The following IMMP2L variants were observed in gnomAD, a reference collection of about 807,000 sequenced individuals.
IMMP2L encodes mitochondrial inner membrane protease subunit 2.
In IMMP2L, 18 loss-of-function variants were observed where a neutral mutation model predicts 19.3. The observed-to-expected ratio is 0.93, with a 90% CI of 0.64 to 1.38. The LOEUF is 1.38. Ranked by LOEUF, IMMP2L falls within the 40% of genes most tolerant of loss-of-function variation. The pLI, the probability that IMMP2L is intolerant of heterozygous loss-of-function variation, is 0.00. For missense variants in IMMP2L, 233 were observed against 218.2 expected, an observed-to-expected ratio of 1.07 and a Z score of -0.43; for synonymous variants, 76 against 73.0, an observed-to-expected ratio of 1.04 and a Z score of -0.21.
intron 3 of IMMP2L, among the ~76,000 whole-genome samples, chr7:111,339,840 T>C (rs1224626471): frequency 6.6e-6 from 1 of 151,918 alleles, no homozygotes; most frequent in Non-Finnish European, 1.5e-5. Flanking sequence ...AACACCATAC[T>C]GAAAGGAACT....
chr7:111,471,967 G>T (rs1216779957), intron 3 of IMMP2L, among the ~76,000 whole-genome samples: 2 of 151,956 alleles, frequency 1.3e-5, no homozygotes, highest in African/African-American at 4.8e-5. Flanking sequence ...TAGTCCGTGG[G>T]TATTTCCTCT....
At chr7:111,238,081 A>G (rs187510130) in intron 3 of IMMP2L, among the ~76,000 whole-genome samples, 390 of 152,190 alleles carry the variant, frequency 2.6e-3, no homozygotes, top group Middle Eastern at 0.017. Context: ...CTTATATCCT[A>G]TTCTCAAACA....
At chr7:111,544,421 C>T (rs1189200583) in intron 1 of IMMP2L, among the ~76,000 whole-genome samples, 25 of 151,928 alleles carry the variant, frequency 1.6e-4, no homozygotes, top group Admixed American at 1.6e-3. Context: ...TGGCTCCTAC[C>T]GACTCTATGA....
At chr7:110,955,656 A>T (rs1818284091) in intron 4 of IMMP2L, among the ~76,000 whole-genome samples, 1 of 151,892 alleles carries the variant, frequency 6.6e-6, no homozygotes, top group Non-Finnish European at 1.5e-5. Context: ...GTGTACAAAT[A>T]CCCTCTGTCC....
chr7:110,899,275 C>T (rs947848671), intron 4 of IMMP2L, among the ~76,000 whole-genome samples: 2 of 152,084 alleles, frequency 1.3e-5, no homozygotes, highest in East Asian at 1.9e-4. Flanking sequence ...TGGAATCCTT[C>T]GTTTTACGTG....
intron 3 of IMMP2L, among the ~76,000 whole-genome samples, chr7:111,083,307 T>C (rs1348958361): frequency 6.6e-6 from 1 of 152,208 alleles, no homozygotes; most frequent in Non-Finnish European, 1.5e-5. Flanking sequence ...GCTGATATAA[T>C]GTTTGCCTTT....
At chr7:110,958,900 A>G (rs971840478) in intron 4 of IMMP2L, among the ~76,000 whole-genome samples, 1 of 152,038 alleles carries the variant, frequency 6.6e-6, no homozygotes, top group Non-Finnish European at 1.5e-5. Flanking sequence ...AATGCAAGTG[A>G]CAGAAAATGG....
At chr7:111,421,259 GTTTT>G (rs1427366153) in intron 3 of IMMP2L, among the ~76,000 whole-genome samples, 2 of 134,928 alleles carry the variant, frequency 1.5e-5, no homozygotes, top group Non-Finnish European at 3.2e-5. Flanking sequence ...GGGGTTGTTT[GTTTT>G]TTTCTTTTTT....
At chr7:110,860,310 G>C (rs1377167782) in intron 5 of IMMP2L, among the ~76,000 whole-genome samples, 4 of 151,894 alleles carry the variant, frequency 2.6e-5, no homozygotes, top group African/African-American at 9.7e-5. Context: ...GCTATGACTA[G>C]AGTAATAAAT....
chr7:110,890,129 G>C (rs1185729430), intron 4 of IMMP2L, among the ~76,000 whole-genome samples: 1 of 152,098 alleles, frequency 6.6e-6, no homozygotes, highest in African/African-American at 2.4e-5. Flanking sequence ...CCCTACGGTT[G>C]CACTGTGACT....
At chr7:111,421,331 G>A (rs1285448115) in intron 3 of IMMP2L, among the ~76,000 whole-genome samples, 1 of 146,362 alleles carries the variant, frequency 6.8e-6, no homozygotes, top group African/African-American at 2.6e-5. Context: ...GTGCAGTGGC[G>A]CAATCTCGGC....
chr7:111,016,869 A>G (rs1446701301), intron 3 of IMMP2L, among the ~76,000 whole-genome samples: 28 of 86,940 alleles, frequency 3.2e-4, no homozygotes, highest in Non-Finnish European at 5.1e-4. Flanking sequence ...ATAATATATT[A>G]CATATAATAT....
At chr7:111,259,418 C>T (rs1015720556) in intron 3 of IMMP2L, among the ~76,000 whole-genome samples, 11 of 152,044 alleles carry the variant, frequency 7.2e-5, no homozygotes, top group Admixed American at 1.3e-4. Context: ...GAGGATCACT[C>T]GAGGCCAGGA....
chr7:111,183,651 C>T (rs1317098525), intron 3 of IMMP2L, among the ~76,000 whole-genome samples: 7 of 152,006 alleles, frequency 4.6e-5, no homozygotes, highest in Non-Finnish European at 4.4e-5. Context: ...TGGCATTTTC[C>T]TAGATCACAC....
chr7:111,063,561 T>C (rs376896120), intron 3 of IMMP2L, among the ~76,000 whole-genome samples: 2 of 152,234 alleles, frequency 1.3e-5, no homozygotes, highest in East Asian at 3.8e-4. Flanking sequence ...TCTACTGCAC[T>C]GTCAGGCTGC....
chr7:111,329,287 GAGA>G (rs1488018361), intron 3 of IMMP2L, among the ~76,000 whole-genome samples: 3 of 151,742 alleles, frequency 2.0e-5, no homozygotes, highest in Non-Finnish European at 1.5e-5. Context: ...AAAAGAGAAG[GAGA>G]AGAATTAAAA....
chr7:110,834,114 T>C (rs1804214454), intron 5 of IMMP2L, among the ~76,000 whole-genome samples: 1 of 152,198 alleles, frequency 6.6e-6, no homozygotes, highest in Non-Finnish European at 1.5e-5. Context: ...TGTTCTAAGT[T>C]TATTTAGAAG....
At chr7:111,508,714 G>C (rs760254991) in intron 2 of IMMP2L, among the ~76,000 whole-genome samples, 2 of 152,146 alleles carry the variant, frequency 1.3e-5, no homozygotes, top group African/African-American at 2.4e-5. Context: ...AGGTGGGCAC[G>C]ACAGAGTAGA....
Position 111,231,024 on chromosome 7 carries a change from CTGTGTGTGTGTG to C in IMMP2L, c.239+256202_239+256213del, listed in dbSNP as rs60629485. Among the ~76,000 whole-genome samples, 19 of 147,092 alleles carry C rather than the reference CTGTGTGTGTGTG, an allele frequency of 1.3e-4. No individual in the cohort carries two copies. The South Asian group carries it at 2.9e-3, about 22-fold the overall frequency. The stretch of plus-strand genomic sequence containing the variant: ...TATGATGTAGGTAAATAAGTAGTGG[CTGTGTGTGTGTG>C]TGTGTGTGTGTGTGTGTGTACATAT... On this transcript the variant is annotated intron_variant, in intron 3 of 5. Transcript: ENST00000405709.
Sources: allele counts gnomAD v4.1 joint callset (sites outside exome capture counted in the v4.1 genomes callset), GRCh38; gene constraint gnomAD v4.1.1; transcripts MANE v1.5; gene names NCBI Gene and HGNC (gene_info 2026-07-23, HGNC 2026-07-21).